The following TENM3 variants were observed in gnomAD, a reference collection of about 807,000 sequenced individuals.
TENM3 encodes the protein teneurin transmembrane protein 3.
A neutral mutation model predicts 255.1 loss-of-function variants in TENM3; 63 were observed. The observed-to-expected ratio is 0.25, with a 90% CI of 0.20 to 0.30. The LOEUF (loss-of-function observed/expected upper bound fraction) is 0.30. Among genes scored for constraint, TENM3 ranks in the 10% least tolerant of loss-of-function variants. The pLI is 1.00. For missense variants in TENM3, 2,929 were observed against 3,461.1 expected, an observed-to-expected ratio of 0.85 and a Z score of 3.86; for synonymous variants, 1,306 against 1,322.3, an observed-to-expected ratio of 0.99 and a Z score of 0.27.
At position 182,585,191 on chromosome 4, in the gene TENM3, A is replaced by T. The variant is rs541786724; in HGVS notation, c.512-15733A>T. Among the ~76,000 whole-genome samples, 4 of 152,266 alleles carry T rather than the reference A, an allele frequency of 2.6e-5. No individual in the cohort carries two copies. The East Asian group carries it at 7.7e-4, about 29-fold the overall frequency. On this transcript the variant is annotated intron_variant, in intron 3 of 27. Transcript: ENST00000511685. Reference sequence around the variant, plus strand: ...CATTATCTCCTTTAATTCTCACAACATTTCCTTTTAAGATTGATTATTACC... The same window carrying T: ...CATTATCTCCTTTAATTCTCACAACTTTTCCTTTTAAGATTGATTATTACC...
intron 1 of TENM3, among the ~76,000 whole-genome samples, chr4:182,219,072 A>C (rs1755693957): frequency 6.6e-6 from 1 of 152,166 alleles, no homozygotes; most frequent in Admixed American, 6.5e-5. Context: ...AAATACAAAA[A>C]TTAACTGGGC....
At chr4:182,506,048 TA>T (rs1356831369) in intron 3 of TENM3, among the ~76,000 whole-genome samples, 1 of 152,176 alleles carries the variant, frequency 6.6e-6, no homozygotes, top group South Asian at 2.1e-4. Context: ...CAAATAAAGA[TA>T]AATGCAACAG....
chr4:182,557,711 A>T (rs1312606909), intron 3 of TENM3, among the ~76,000 whole-genome samples: 1 of 152,114 alleles, frequency 6.6e-6, no homozygotes, highest in Admixed American at 6.6e-5. Context: ...CATCCCACAG[A>T]TTCTCATCTG....
At chr4:181,689,725 C>T in the TENM3 span, among the ~76,000 whole-genome samples, 1 of 152,108 alleles carries the variant, frequency 6.6e-6, no homozygotes, top group African/African-American at 2.4e-5. Flanking sequence ...GAATAAAAGT[C>T]ACTCAATTAT....
intron 3 of TENM3, among the ~76,000 whole-genome samples, chr4:182,379,911 G>T (rs4862049): frequency 0.98 from 149,231 of 152,228 alleles, 73,191 homozygotes; most frequent in Non-Finnish European, 1. Flanking sequence ...GTATTTACCA[G>T]ACCTCTTGGT....
chr4:181,672,806 C>A, the TENM3 span, among the ~76,000 whole-genome samples: 20 of 152,266 alleles, frequency 1.3e-4, no homozygotes, highest in South Asian at 2.1e-3. Context: ...AATTGCCTGG[C>A]AGATGTGATC....
chr4:181,844,540 C>T, the TENM3 span, among the ~76,000 whole-genome samples: 15 of 151,822 alleles, frequency 9.9e-5, no homozygotes, highest in East Asian at 1.2e-3. Flanking sequence ...TGGTGGCGGG[C>T]GCCTGTAGTC....
At chr4:182,620,386 A>T (rs1006084899) in intron 4 of TENM3, among the ~76,000 whole-genome samples, 63 of 152,312 alleles carry the variant, frequency 4.1e-4, no homozygotes, top group Middle Eastern at 3.4e-3. Flanking sequence ...GCAGTGTTTG[A>T]TATAGTGCAA....
At chr4:181,785,838 A>AC in the TENM3 span, among the ~76,000 whole-genome samples, 1 of 151,650 alleles carries the variant, frequency 6.6e-6, no homozygotes, top group African/African-American at 2.4e-5. Flanking sequence ...ACACACACAC[A>AC]AACACACACA....
intron 1 of TENM3, among the ~76,000 whole-genome samples, chr4:182,237,313 C>A (rs1391117744): frequency 6.6e-6 from 1 of 151,900 alleles, no homozygotes; most frequent in African/African-American, 2.4e-5. Context: ...AGTAAACATA[C>A]ATATGCATGT....
intron 3 of TENM3, among the ~76,000 whole-genome samples, chr4:182,374,017 A>G (rs372197301): frequency 6.6e-6 from 1 of 151,860 alleles, no homozygotes; most frequent in African/African-American, 2.4e-5. Flanking sequence ...GAAAAACAAG[A>G]CCTACCAGTG....
chr4:182,004,372 C>T, the TENM3 span, among the ~76,000 whole-genome samples: 1 of 152,136 alleles, frequency 6.6e-6, no homozygotes, highest in Non-Finnish European at 1.5e-5. Flanking sequence ...CCAGCTTCAT[C>T]CATGTTCCTG....
chr4:182,122,167 C>T, the TENM3 span, among the ~76,000 whole-genome samples: 1 of 152,316 alleles, frequency 6.6e-6, no homozygotes, highest in African/African-American at 2.4e-5. Context: ...TTAATTTCTA[C>T]TATGTCTGCA....
intron 3 of TENM3, among the ~76,000 whole-genome samples, chr4:182,358,754 T>A (rs533678947): frequency 6.8e-6 from 1 of 147,090 alleles, no homozygotes; most frequent in South Asian, 2.2e-4. Context: ...TCCAACACTA[T>A]GTTGAATAGG....
chr4:182,057,688 A>G, the TENM3 span, among the ~76,000 whole-genome samples: 1 of 152,084 alleles, frequency 6.6e-6, no homozygotes, highest in East Asian at 1.9e-4. Flanking sequence ...GGTGTGAGCT[A>G]TAGCACTGGG....
chr4:182,728,654 C>T (rs1760423672), intron 13 of TENM3, among the ~76,000 whole-genome samples: 2 of 152,168 alleles, frequency 1.3e-5, no homozygotes, highest in Non-Finnish European at 2.9e-5. Flanking sequence ...CAGCATGTTA[C>T]TCTACTGAAT....
chr4:181,822,006 T>TTA, the TENM3 span, among the ~76,000 whole-genome samples: 1 of 152,212 alleles, frequency 6.6e-6, no homozygotes, highest in Non-Finnish European at 1.5e-5. Flanking sequence ...ATACATTGCA[T>TTA]TATATAATGG....
chr4:182,562,460 CAT>C (rs1246436639), intron 3 of TENM3, among the ~76,000 whole-genome samples: 4 of 152,296 alleles, frequency 2.6e-5, no homozygotes, highest in African/African-American at 9.6e-5. Flanking sequence ...GCTGTTGCCT[CAT>C]GTGTCCACAC....
chr4:182,182,533 C>T (rs887501514), intron 1 of TENM3, among the ~76,000 whole-genome samples: 1 of 152,160 alleles, frequency 6.6e-6, no homozygotes, highest in Non-Finnish European at 1.5e-5. Flanking sequence ...CGTATTTCTG[C>T]ACCAGGAGAA....
Sources: allele counts gnomAD v4.1 joint callset (sites outside exome capture counted in the v4.1 genomes callset), GRCh38; gene constraint gnomAD v4.1.1; transcripts MANE v1.5; gene names NCBI Gene and HGNC (gene_info 2026-07-23, HGNC 2026-07-21).